WSB1: variants seen among roughly 807,000 people sequenced by gnomAD.
WSB1 encodes the protein WD repeat and SOCS box containing 1, also known as WD repeat and SOCS box-containing protein 1.
A neutral mutation model predicts 50.2 loss-of-function variants in WSB1; 23 were observed. The ratio of observed to expected loss-of-function variants is 0.46; its 90% CI spans 0.33 to 0.65. The LOEUF is 0.65. Among genes scored for constraint, WSB1 ranks in the 30% least tolerant of loss-of-function variants. WSB1 has a pLI of 0.02. For synonymous variants in WSB1, 179 were observed against 172.0 expected, an observed-to-expected ratio of 1.04 and a Z score of -0.32; for missense variants, 492 against 522.3, an observed-to-expected ratio of 0.94 and a Z score of 0.56.
chr17:27,308,778 G>A lies in WSB1; in HGVS notation c.712-322G>A, dbSNP rs563528855. 2.7e-5 allele frequency: 27 copies of A among 997,764 alleles called. No homozygotes were observed. The South Asian group carries it at 3.6e-4, about 13-fold the overall frequency. The allele number at this position is 997,764 out of a possible 1,614,324, so 61.8% of individuals were successfully genotyped here. A position where few individuals can be genotyped will look rare whatever the true frequency, so the allele number is the denominator to read the frequency against. ...GTAGTACTTAACCCTATTTATTTCCGTATATTTTAGTTAATTAGTTTTTGG... is the reference window on the plus strand; with the variant it reads ...GTAGTACTTAACCCTATTTATTTCCATATATTTTAGTTAATTAGTTTTTGG... On this transcript the variant is annotated intron_variant, in intron 5 of 8. Coordinates refer to ENST00000262394, the MANE Select transcript of WSB1 (RefSeq NM_015626.10).
Position 27,303,360 on chromosome 17 carries a change from A to AC in WSB1, c.210-6dup, listed in dbSNP as rs745703405. On this transcript the variant is annotated splice_polypyrimidine_tract_variant and splice_region_variant and intron_variant, in intron 2 of 8. Transcript: ENST00000262394. ...ATACAATTTCCATCTGACTTCCCCC[A>AC]CTCCAGTCTCTTGCATGGCACCAAG... 1.2e-6 allele frequency: 2 copies of AC among 1,612,146 alleles called. No individual in the cohort carries two copies. Among genetic ancestry groups the AC allele is most frequent in the South Asian group, 2.2e-5 (2 of 90,998 alleles).
rs546843821 is a variant in WSB1, at chr17:27,311,568, A to G, written c.1058A>G (p.Asn353Ser). The change falls in exon 8 of 9, where the codon AAT becomes AGT. Residue 353 changes from asparagine (N) to serine (S), a missense_variant. Coordinates refer to ENST00000262394, the MANE Select transcript of WSB1 (RefSeq NM_015626.10). ...CCAGTGCAAGTTGCACCTTTGAGCA[A>G]TGGTCTTTGCTGTGCCTTCTCTACT... ...DYPVQVAPLS[N>S]GLCCAFSTDG... 49 of 1,610,954 alleles carry G rather than the reference A, an allele frequency of 3.0e-5. 1 individual carries two copies. The highest frequency in any genetic ancestry group is 1.1e-4 in the East Asian group (5 of 44,732).
At chr17:27,304,958 T>C in intron 4 of WSB1, 47 bp downstream of exon 4, 2 of 1,607,578 alleles carry the variant, frequency 1.2e-6, no homozygotes, top group Non-Finnish European at 1.7e-6. Context: ...TTCTTGATAC[T>C]ACTATGGAGA....
intron 6 of WSB1, among the ~76,000 whole-genome samples, chr17:27,309,770 A>G (rs2017597288): frequency 6.6e-6 from 1 of 151,946 alleles, no homozygotes; most frequent in Non-Finnish European, 1.5e-5. Context: ...TTTAGTAGAG[A>G]TGGGGTTTCA....
At chr17:27,300,284 A>G (rs1386720300) in intron 1 of WSB1, among the ~76,000 whole-genome samples, 1 of 152,184 alleles carries the variant, frequency 6.6e-6, no homozygotes, top group Admixed American at 6.5e-5. Context: ...AACCAGAAAT[A>G]CATAAAAATA....
Position 27,314,710 on chromosome 17 carries a change from G to A in WSB1, c.*2341G>A, listed in dbSNP as rs2017797251. The A allele has an allele frequency of 6.6e-6, 1 of 150,688 alleles. No homozygotes were observed. The allele number at this position is 150,688 out of a possible 1,614,324, so 9.3% of individuals were successfully genotyped here. A position where few individuals can be genotyped will look rare whatever the true frequency, so the allele number is the denominator to read the frequency against. On this transcript the variant is annotated 3_prime_UTR_variant, in exon 9 of 9. Transcript: ENST00000262394. Reference sequence around the variant, plus strand: ...AGACGGAGTCTCACACTGTCACCTGGGCTGGAGTGCAGTGGTGCGATCTTG... The same window carrying A: ...AGACGGAGTCTCACACTGTCACCTGAGCTGGAGTGCAGTGGTGCGATCTTG...
intron 5 of WSB1, 103 bp from the exon 6 acceptor site, chr17:27,308,997 G>A (rs2017562767): frequency 7.3e-7 from 1 of 1,370,330 alleles, no homozygotes; most frequent in Non-Finnish European, 9.5e-7. Context: ...AATTTATAAT[G>A]CTTAATATAA....
intron 2 of WSB1, 36 bp from the exon 3 acceptor site, chr17:27,303,331 A>G: frequency 6.2e-7 from 1 of 1,605,366 alleles, no homozygotes; most frequent in Admixed American, 1.7e-5. Context: ...CAGAGTGAAT[A>G]ATAATACAAT....
intron 7 of WSB1, among the ~76,000 whole-genome samples, chr17:27,310,515 T>C (rs939573503): frequency 7.9e-5 from 12 of 152,222 alleles, no homozygotes; most frequent in African/African-American, 2.2e-4. Flanking sequence ...ACCAAAAGAA[T>C]TACAAATAAA....
intron 1 of WSB1, among the ~76,000 whole-genome samples, chr17:27,297,943 G>C (rs1189000992): frequency 6.6e-6 from 1 of 151,712 alleles, no homozygotes; most frequent in Non-Finnish European, 1.5e-5. Flanking sequence ...CTCCGTCTCT[G>C]CTAAAATATA....
chr17:27,299,674 C>T (rs2017145022), intron 1 of WSB1, among the ~76,000 whole-genome samples: 1 of 152,076 alleles, frequency 6.6e-6, no homozygotes, highest in Non-Finnish European at 1.5e-5. Context: ...TAGAATTTAT[C>T]CAGAAAAGTA....
chr17:27,310,903 TG>T (rs1255789385), intron 7 of WSB1, among the ~76,000 whole-genome samples: 1 of 152,112 alleles, frequency 6.6e-6, no homozygotes, highest in Non-Finnish European at 1.5e-5. Flanking sequence ...TATAGTGCAG[TG>T]GTGCAATCAC....
At chr17:27,298,126 GAAA>G (rs35222722) in intron 1 of WSB1, among the ~76,000 whole-genome samples, 3 of 74,216 alleles carry the variant, frequency 4.0e-5, no homozygotes, top group African/African-American at 5.7e-5. Flanking sequence ...CTCCGTCTCA[GAAA>G]AAAAAAAAAA....
Position 27,315,436 on chromosome 17 carries a change from A to G in WSB1, c.*3067A>G, listed in dbSNP as rs561732452. 1 of 152,332 alleles carries G rather than the reference A, an allele frequency of 6.6e-6. No homozygotes were observed. Among genetic ancestry groups the G allele is most frequent in the Admixed American group, 6.5e-5 (1 of 15,300 alleles). 9.4% of individuals were successfully genotyped at this position (152,332 alleles called of 1,614,324 possible). On this transcript the variant is annotated 3_prime_UTR_variant, in exon 9 of 9. Transcript: ENST00000262394. Reference sequence around the variant, plus strand: ...AAATCTTAAACTTAACGATCCTTGAAATTTCCTGCCTGCTGTGACTGTGAT... The same window carrying G: ...AAATCTTAAACTTAACGATCCTTGAGATTTCCTGCCTGCTGTGACTGTGAT...
chr17:27,308,797 T>A, intron 5 of WSB1: 1 of 1,011,156 alleles, frequency 9.9e-7, no homozygotes, highest in Non-Finnish European at 1.2e-6. Context: ...AGTTAATTAG[T>A]TTTTGGAATA....
rs555569936 is a variant in WSB1, at chr17:27,312,378, G to A, written c.*9G>A. On this transcript the variant is annotated 3_prime_UTR_variant, in exon 9 of 9. Coordinates refer to ENST00000262394, the MANE Select transcript of WSB1 (RefSeq NM_015626.10). ...TCTCGTATCGTATTTAGAAGATTCT[G>A]CCTTCCCTAGTAGTAGGGACTGACA... is the stretch of plus-strand genomic sequence containing the variant. The A allele has an allele frequency of 1.9e-6, 3 of 1,613,642 alleles. No homozygotes were observed. The South Asian group carries it at 3.3e-5, about 18-fold the overall frequency.
At position 27,315,072 on chromosome 17, in the gene WSB1, A is replaced by G. The variant is rs1017611168; in HGVS notation, c.*2703A>G. 1.3e-5 allele frequency: 2 copies of G among 150,700 alleles called. No homozygotes were observed. Among genetic ancestry groups the G allele is most frequent in the African/African-American group, 5.0e-5 (2 of 40,040 alleles). 9.3% of individuals were successfully genotyped at this position (150,700 alleles called of 1,614,324 possible). A position where few individuals can be genotyped will look rare whatever the true frequency, so the allele number is the denominator to read the frequency against. On this transcript the variant is annotated 3_prime_UTR_variant, in exon 9 of 9. Transcript: ENST00000262394. ...CAGTGTGAAAGGAAGATTGCAGCGT[A>G]TATGTCAAGTAGAAACATGTTTGAA...
rs142949229 is a variant in WSB1 at position 27,311,633 on chromosome 17, CTTTTTTTTTTT to C, written c.1106+33_1106+43del. 65 of 491,112 alleles carry C rather than the reference CTTTTTTTTTTT, an allele frequency of 1.3e-4. No homozygotes were observed. In the African/African-American group the frequency reaches 1.8e-3, roughly 14 times the overall value. 30.4% of individuals were successfully genotyped at this position (491,112 alleles called of 1,614,324 possible). A position where few individuals can be genotyped will look rare whatever the true frequency, so the allele number is the denominator to read the frequency against. On this transcript the variant is annotated intron_variant, in intron 8 of 8. Coordinates refer to ENST00000262394, the MANE Select transcript of WSB1 (RefSeq NM_015626.10). Reference sequence around the variant, plus strand: ...AGCTGCTGGGTAAATATATTTTTCTCTTTTTTTTTTTTTTTTTTTTTTTTTTGAGATGTAGT... The same window carrying C: ...AGCTGCTGGGTAAATATATTTTTCTCTTTTTTTTTTTTTTTGAGATGTAGT...
At chr17:27,311,993 A>T (rs978876073) in intron 8 of WSB1, among the ~76,000 whole-genome samples, 4 of 152,128 alleles carry the variant, frequency 2.6e-5, no homozygotes, top group African/African-American at 9.7e-5. Flanking sequence ...GGCTTTTAGC[A>T]GCTAGTAATT....
Sources: gnomAD v4.1 joint callset for allele counts (sites outside exome capture counted in the v4.1 genomes callset) on GRCh38, gnomAD v4.1.1 for gene constraint, MANE v1.5 for transcripts, NCBI Gene and HGNC (gene_info 2026-07-23, HGNC 2026-07-21) for gene names.